Variants in RIT2 observed in about 807,000 individuals in gnomAD.
RIT2 encodes the protein Ras like without CAAX 2.
RIT2 carries 24 observed loss-of-function variants against 23.7 expected under a neutral mutation model. That is an observed-to-expected ratio of 1.01 (90% CI 0.73 to 1.43). RIT2 has a LOEUF of 1.43. Among genes scored for constraint, RIT2 ranks in the 40% most tolerant of loss-of-function variants. The pLI is 0.00. For missense variants in RIT2, 236 were observed against 266.9 expected (o/e 0.88, Z 0.81); for synonymous variants, 107 against 91.1 (o/e 1.17, Z -0.99).
At chr18:42,958,002 G>C (rs554375029) in intron 3 of RIT2, among the ~76,000 whole-genome samples, 4 of 152,078 alleles carry the variant, frequency 2.6e-5, no homozygotes, top group Admixed American at 2.6e-4. Context: ...AGAGGAAGCA[G>C]GGACCACTGG....
chr18:43,001,792 C>T (rs796731389), intron 2 of RIT2, among the ~76,000 whole-genome samples: 1 of 149,638 alleles, frequency 6.7e-6, no homozygotes, highest in African/African-American at 2.5e-5. Context: ...GTCAAAGGGC[C>T]ATTCATCTGT....
intron 4 of RIT2, among the ~76,000 whole-genome samples, chr18:42,777,148 A>G (rs1913691330): frequency 6.6e-6 from 1 of 152,162 alleles, no homozygotes; most frequent in African/African-American, 2.4e-5. Flanking sequence ...TACTGAGATG[A>G]GAAAAACATA....
intron 4 of RIT2, among the ~76,000 whole-genome samples, chr18:42,856,863 T>C (rs1403008779): frequency 6.9e-6 from 1 of 145,692 alleles, no homozygotes; most frequent in African/African-American, 2.6e-5. Context: ...GGAGTTTTGC[T>C]CTGTCGCCCA....
chr18:43,002,954 G>A (rs191256411), intron 2 of RIT2, among the ~76,000 whole-genome samples: 47 of 151,992 alleles, frequency 3.1e-4, no homozygotes, highest in Admixed American at 1.9e-3. Flanking sequence ...ATGTGACTAC[G>A]GAAGGAAGGA....
At chr18:42,771,433 ACTTACATAT>A (rs1167425801) in intron 4 of RIT2, among the ~76,000 whole-genome samples, 5 of 152,212 alleles carry the variant, frequency 3.3e-5, no homozygotes, top group Non-Finnish European at 7.4e-5. Context: ...AAATTCTTGT[ACTTACATAT>A]CTGTAATGAA....
At chr18:42,843,434 T>C (rs998671059) in intron 4 of RIT2, among the ~76,000 whole-genome samples, 1 of 152,196 alleles carries the variant, frequency 6.6e-6, no homozygotes, top group African/African-American at 2.4e-5. Context: ...TTAGAGATCA[T>C]GAAATACATA....
intron 4 of RIT2, among the ~76,000 whole-genome samples, chr18:42,769,614 T>C (rs1913501954): frequency 6.6e-6 from 1 of 152,046 alleles, no homozygotes; most frequent in Non-Finnish European, 1.5e-5. Context: ...AAATTTTGTT[T>C]TGGCACACCA....
intron 4 of RIT2, among the ~76,000 whole-genome samples, chr18:42,820,628 C>G (rs906745321): frequency 2.0e-5 from 3 of 152,094 alleles, no homozygotes; most frequent in African/African-American, 7.2e-5. Flanking sequence ...TGAAAGTCAC[C>G]AAGCCTATTA....
intron 4 of RIT2, among the ~76,000 whole-genome samples, chr18:42,819,777 A>G (rs1364173547): frequency 1.3e-5 from 2 of 152,102 alleles, no homozygotes; most frequent in East Asian, 1.9e-4. Flanking sequence ...AAACAGCAGT[A>G]AAAATGAAGA....
chr18:42,818,703 C>T (rs568422752), intron 4 of RIT2, among the ~76,000 whole-genome samples: 1 of 152,132 alleles, frequency 6.6e-6, no homozygotes, highest in South Asian at 2.1e-4. Flanking sequence ...AAAAATCAAT[C>T]TCAGAAGACA....
intron 1 of RIT2, among the ~76,000 whole-genome samples, chr18:43,038,838 C>T (rs189878002): frequency 1.3e-5 from 2 of 151,694 alleles, no homozygotes; most frequent in African/African-American, 4.8e-5. Context: ...TGTTTCTATG[C>T]ATTACATATT....
chr18:42,836,409 A>G (rs1336481770), intron 4 of RIT2, among the ~76,000 whole-genome samples: 1 of 151,996 alleles, frequency 6.6e-6, no homozygotes, highest in Non-Finnish European at 1.5e-5. Context: ...TTAGGAGCCC[A>G]TGTGTGTGGA....
chr18:43,026,811 A>C (rs1911744227), intron 2 of RIT2, among the ~76,000 whole-genome samples: 1 of 152,034 alleles, frequency 6.6e-6, no homozygotes, highest in South Asian at 2.1e-4. Context: ...AGAGAAATAT[A>C]AGATGGAGAA....
intron 1 of RIT2, among the ~76,000 whole-genome samples, chr18:43,054,962 A>G (rs1044827282): frequency 6.6e-6 from 1 of 152,062 alleles, no homozygotes; most frequent in Admixed American, 6.6e-5. Flanking sequence ...TGAGTTTTCA[A>G]TTATAGCTGT....
chr18:43,057,785 C>G (rs1385233720), intron 1 of RIT2, among the ~76,000 whole-genome samples: 2 of 123,388 alleles, frequency 1.6e-5, no homozygotes, highest in African/African-American at 3.2e-5. Context: ...GCTAATCTTC[C>G]AAGTGATGGA....
At chr18:42,942,253 GCA>G (rs1444234421) in intron 3 of RIT2, among the ~76,000 whole-genome samples, 1 of 151,980 alleles carries the variant, frequency 6.6e-6, no homozygotes, top group African/African-American at 2.4e-5. Context: ...CTTTTTACTG[GCA>G]CACAGAGTGG....
intron 4 of RIT2, among the ~76,000 whole-genome samples, chr18:42,835,313 C>G (rs1032444819): frequency 1.3e-5 from 2 of 151,984 alleles, no homozygotes; most frequent in Non-Finnish European, 2.9e-5. Flanking sequence ...ATCATTTACA[C>G]ACACACACTC....
chr18:43,104,618 GC>G (rs1913765373), intron 1 of RIT2, among the ~76,000 whole-genome samples: 1 of 152,022 alleles, frequency 6.6e-6, no homozygotes, highest in Admixed American at 6.6e-5. Flanking sequence ...CTCAGAATTT[GC>G]CAATATAAAA....
chr18:42,880,033 T>G lies in RIT2; in HGVS notation c.426+43539A>C, dbSNP rs1907845804. On this transcript the variant is annotated intron_variant, in intron 4 of 4. Coordinates refer to ENST00000326695, the MANE Select transcript of RIT2 (RefSeq NM_002930.4). ...TATAGTCACCCAATGTTCACTTAAT[T>G]TCTCTCTGTTGAGTTTAGGTCCATT... Among the ~76,000 whole-genome samples the G allele has an allele frequency of 2.6e-5, 4 of 152,306 alleles. No homozygotes were observed. The South Asian group carries it at 8.3e-4, about 32-fold the overall frequency.
Sources: gnomAD v4.1 joint callset for allele counts (sites outside exome capture counted in the v4.1 genomes callset) on GRCh38, gnomAD v4.1.1 for gene constraint, MANE v1.5 for transcripts, NCBI Gene and HGNC (gene_info 2026-07-23, HGNC 2026-07-21) for gene names.